Variants in PLCXD3 observed in about 807,000 individuals in gnomAD.
PLCXD3 encodes PI-PLC X domain-containing protein 3.
A neutral mutation model predicts 25.5 loss-of-function variants in PLCXD3; 19 were observed. The ratio of observed to expected loss-of-function variants is 0.75; its 90% CI spans 0.52 to 1.09. The LOEUF is 1.09. Among genes scored for constraint, PLCXD3 ranks in the 50% least tolerant of loss-of-function variants. The pLI, the probability that PLCXD3 is intolerant of heterozygous loss-of-function variation, is 0.00. For synonymous variants in PLCXD3, 174 were observed against 137.6 expected (o/e 1.26, Z -1.85); for missense variants, 411 against 388.1 (o/e 1.06, Z -0.50).
chr5:41,466,491 A>G (rs1748020542), intron 1 of PLCXD3, among the ~76,000 whole-genome samples: 1 of 152,116 alleles, frequency 6.6e-6, no homozygotes, highest in South Asian at 2.1e-4. Flanking sequence ...ACAATGTGGC[A>G]TAATTAAGTC....
intron 1 of PLCXD3, among the ~76,000 whole-genome samples, chr5:41,409,708 C>T (rs1746461678): frequency 1.3e-5 from 2 of 152,180 alleles, no homozygotes; most frequent in Admixed American, 1.3e-4. Context: ...GTGCCCTCAA[C>T]AAAAGGCACT....
chr5:41,403,408 T>TTTTTTTTTA (rs1746257054), intron 1 of PLCXD3, among the ~76,000 whole-genome samples: 2 of 26,252 alleles, frequency 7.6e-5, no homozygotes, highest in African/African-American at 1.7e-4. Context: ...GTTGTTTTTT[T>TTTTTTTTTA]TTTTTTTTAT....
intron 2 of PLCXD3, among the ~76,000 whole-genome samples, chr5:41,368,572 T>A (rs1463889192): frequency 6.6e-6 from 1 of 152,166 alleles, no homozygotes; most frequent in East Asian, 1.9e-4. Flanking sequence ...TCAAATACTA[T>A]GTTGAATAGG....
intron 1 of PLCXD3, among the ~76,000 whole-genome samples, chr5:41,405,937 T>G (rs1217781415): frequency 1.3e-5 from 2 of 152,168 alleles, no homozygotes; most frequent in Admixed American, 1.3e-4. Flanking sequence ...CATTGATGAC[T>G]ACTAAATAAA....
intron 2 of PLCXD3, among the ~76,000 whole-genome samples, chr5:41,332,446 A>G (rs573727111): frequency 9.9e-4 from 150 of 152,270 alleles, no homozygotes; most frequent in African/African-American, 3.3e-3. Context: ...AGGAAACAAC[A>G]GGTGCTGGAG....
chr5:41,429,758 G>T (rs184268065), intron 1 of PLCXD3, among the ~76,000 whole-genome samples: 6 of 152,176 alleles, frequency 3.9e-5, no homozygotes, highest in African/African-American at 1.4e-4. Context: ...GACGAAGGTA[G>T]GAATTCAGAT....
Position 41,309,787 on chromosome 5 carries a change from A to G in PLCXD3, c.*3830T>C, listed in dbSNP as rs1224754553. 6.6e-6 allele frequency: 1 copy of G among 152,178 alleles called. No homozygotes were observed. The highest frequency in any genetic ancestry group is 1.9e-4 in the East Asian group (1 of 5,196). The allele number at this position is 152,178 out of a possible 1,614,324, so 9.4% of individuals were successfully genotyped here. A position where few individuals can be genotyped will look rare whatever the true frequency, so the allele number is the denominator to read the frequency against. ...ATTTGAAGTGAAATTGAGAATTTAG[A>G]TAGACTGTTCGTGCCAGGCATTTTC... On this transcript the variant is annotated 3_prime_UTR_variant, in exon 3 of 3. Coordinates refer to ENST00000377801, the MANE Select transcript of PLCXD3 (RefSeq NM_001005473.3).
intron 1 of PLCXD3, among the ~76,000 whole-genome samples, chr5:41,444,548 C>T (rs1402863316): frequency 6.6e-6 from 1 of 152,070 alleles, no homozygotes; most frequent in Non-Finnish European, 1.5e-5. Context: ...ATTTTGTCCC[C>T]ACCACTTAAA....
intron 1 of PLCXD3, among the ~76,000 whole-genome samples, chr5:41,484,610 T>G (rs760851470): frequency 6.6e-6 from 1 of 152,130 alleles, no homozygotes; most frequent in African/African-American, 2.4e-5. Flanking sequence ...CTCATAAAAT[T>G]TTAAGAACTC....
chr5:41,439,583 G>C (rs1248620248), intron 1 of PLCXD3, among the ~76,000 whole-genome samples: 3 of 152,064 alleles, frequency 2.0e-5, no homozygotes, highest in Admixed American at 2.0e-4. Flanking sequence ...AGTTCTAAGA[G>C]TTGCAAAGCC....
intron 1 of PLCXD3, among the ~76,000 whole-genome samples, chr5:41,420,378 T>C (rs1051702625): frequency 6.6e-6 from 1 of 152,214 alleles, no homozygotes; most frequent in African/African-American, 2.4e-5. Context: ...GAAATCCTAG[T>C]CCAAGCTAGG....
At chr5:41,358,468 C>T (rs977542888) in intron 2 of PLCXD3, among the ~76,000 whole-genome samples, 1 of 152,110 alleles carries the variant, frequency 6.6e-6, no homozygotes, top group Non-Finnish European at 1.5e-5. Context: ...CCGCTCTTTC[C>T]CCCAAGTCCT....
intron 1 of PLCXD3, among the ~76,000 whole-genome samples, chr5:41,416,602 G>T (rs888593794): frequency 1.2e-4 from 18 of 152,202 alleles, no homozygotes; most frequent in African/African-American, 4.1e-4. Flanking sequence ...TTGCTAAACA[G>T]TGACACAGCC....
chr5:41,346,946 A>C (rs1279162886), intron 2 of PLCXD3, among the ~76,000 whole-genome samples: 2 of 152,228 alleles, frequency 1.3e-5, no homozygotes, highest in Non-Finnish European at 2.9e-5. Flanking sequence ...GGCAATTGTG[A>C]ATAAAGCTGT....
chr5:41,479,252 T>C (rs1748344162), intron 1 of PLCXD3, among the ~76,000 whole-genome samples: 2 of 152,168 alleles, frequency 1.3e-5, no homozygotes, highest in Admixed American at 1.3e-4. Context: ...TATTACATGA[T>C]TCAATTTATA....
chr5:41,413,884 C>T (rs571053885), intron 1 of PLCXD3, among the ~76,000 whole-genome samples: 6 of 151,896 alleles, frequency 4.0e-5, no homozygotes, highest in Middle Eastern at 3.2e-3. Context: ...TAAAATGCAC[C>T]GCTGAGCTGG....
intron 1 of PLCXD3, chr5:41,456,488 T>C (rs1431151740): frequency 5.2e-6 from 4 of 774,466 alleles, no homozygotes; most frequent in Non-Finnish European, 6.3e-6. Context: ...AAATGAAAAA[T>C]AAAATATACA....
chr5:41,354,520 C>G (rs1255695472), intron 2 of PLCXD3, among the ~76,000 whole-genome samples: 1 of 152,128 alleles, frequency 6.6e-6, no homozygotes, highest in Non-Finnish European at 1.5e-5. Flanking sequence ...TTTTAAATCT[C>G]TGTCCATTTT....
intron 1 of PLCXD3, among the ~76,000 whole-genome samples, chr5:41,440,477 C>A (rs1747359820): frequency 6.6e-6 from 1 of 151,958 alleles, no homozygotes; most frequent in African/African-American, 2.4e-5. Flanking sequence ...AGATGATCCA[C>A]CTGCCTTGGC....
Sources: allele counts gnomAD v4.1 joint callset (sites outside exome capture counted in the v4.1 genomes callset), GRCh38; gene constraint gnomAD v4.1.1; transcripts MANE v1.5; gene names NCBI Gene and HGNC (gene_info 2026-07-23, HGNC 2026-07-21).